Variants in SRBD1 observed in about 807,000 individuals in gnomAD.
SRBD1 encodes S1 RNA binding domain 1.
A neutral mutation model predicts 115.3 loss-of-function variants in SRBD1; 88 were observed. That is an observed-to-expected ratio of 0.76 (90% CI 0.64 to 0.91). SRBD1 has a LOEUF of 0.91. Among genes scored for constraint, SRBD1 ranks in the 40% least tolerant of loss-of-function variants. The pLI is 0.00. For missense variants in SRBD1, 1,385 were observed against 1,177.4 expected, an observed-to-expected ratio of 1.18 and a Z score of -2.58; for synonymous variants, 509 against 407.7, an observed-to-expected ratio of 1.25 and a Z score of -2.99.
intron 16 of SRBD1, among the ~76,000 whole-genome samples, chr2:45,459,053 C>T (rs1000150021): frequency 3.9e-5 from 6 of 152,106 alleles, no homozygotes; most frequent in African/African-American, 1.4e-4. Flanking sequence ...TGCATCCCAA[C>T]AAACTACAGA....
chr2:45,399,083 A>G (rs1667224994), intron 19 of SRBD1, among the ~76,000 whole-genome samples: 1 of 152,126 alleles, frequency 6.6e-6, no homozygotes, highest in Non-Finnish European at 1.5e-5. Flanking sequence ...ACCAGAAAAA[A>G]AAAAATCAAC....
At chr2:45,482,834 A>G (rs1282056251) in intron 15 of SRBD1, among the ~76,000 whole-genome samples, 1 of 152,062 alleles carries the variant, frequency 6.6e-6, no homozygotes, top group Non-Finnish European at 1.5e-5. Context: ...ATGGAGTACC[A>G]TTTGCATAGA....
At chr2:45,449,351 C>T (rs556114789) in intron 16 of SRBD1, among the ~76,000 whole-genome samples, 5 of 152,218 alleles carry the variant, frequency 3.3e-5, no homozygotes, top group East Asian at 1.9e-4. Context: ...ACCTGTTTAC[C>T]GACTGTGAGT....
intron 16 of SRBD1, among the ~76,000 whole-genome samples, chr2:45,470,183 C>T (rs927005073): frequency 6.6e-6 from 1 of 152,100 alleles, no homozygotes; most frequent in African/African-American, 2.4e-5. Flanking sequence ...ACTAAAACTC[C>T]ATTTAATAAT....
At chr2:45,396,006 T>C (rs943503631) in intron 19 of SRBD1, among the ~76,000 whole-genome samples, 40 of 152,220 alleles carry the variant, frequency 2.6e-4, no homozygotes, top group African/African-American at 8.7e-4. Context: ...CACACTGCTT[T>C]ATGAAGCTTG....
At chr2:45,606,103 T>C (rs1221804388) in intron 1 of SRBD1, among the ~76,000 whole-genome samples, 1 of 151,676 alleles carries the variant, frequency 6.6e-6, no homozygotes, top group African/African-American at 2.4e-5. Flanking sequence ...GGCAGCCCCT[T>C]ACAAAGTCCT....
Position 45,413,255 on chromosome 2 carries a change from G to A in SRBD1, c.2372C>T (p.Ala791Val). The change falls in exon 19 of 21, where the codon GCT becomes GTT. Residue 791 changes from alanine (A) to valine (V), a missense_variant. Coordinates refer to ENST00000263736, the MANE Select transcript of SRBD1 (RefSeq NM_018079.5). The stretch of plus-strand genomic sequence containing the variant: ...CTCAACGTCTGCTGAAGATGTCACA[G>A]CAACTCCTTGAATTTGGCCTGAAGT... Reference protein sequence around the residue: ...TETSGQIQGVAVTSSADVEVT... With the variant: ...TETSGQIQGVVVTSSADVEVT... 1 of 1,613,904 alleles carries A rather than the reference G, an allele frequency of 6.2e-7. No homozygotes were observed. Among genetic ancestry groups the A allele is most frequent in the South Asian group, 1.1e-5 (1 of 91,016 alleles).
intron 16 of SRBD1, among the ~76,000 whole-genome samples, chr2:45,474,979 G>A (rs1572681001): frequency 1.3e-5 from 2 of 152,110 alleles, no homozygotes; most frequent in Non-Finnish European, 2.9e-5. Context: ...TCTTGATGAC[G>A]TTCTTAGTTT....
At chr2:45,467,149 T>C (rs1041644469) in intron 16 of SRBD1, among the ~76,000 whole-genome samples, 1 of 152,204 alleles carries the variant, frequency 6.6e-6, no homozygotes, top group African/African-American at 2.4e-5. Context: ...TTCTAGCATA[T>C]TGTCAGATGA....
chr2:45,596,622 T>C (rs1354363837), intron 4 of SRBD1, among the ~76,000 whole-genome samples: 1 of 152,194 alleles, frequency 6.6e-6, no homozygotes, highest in Non-Finnish European at 1.5e-5. Context: ...GATTTTTTGA[T>C]GGTTAACCCA....
At chr2:45,518,279 A>G (rs566030695) in intron 14 of SRBD1, among the ~76,000 whole-genome samples, 64 of 152,200 alleles carry the variant, frequency 4.2e-4, no homozygotes, top group Non-Finnish European at 7.1e-4. Flanking sequence ...TGGAAACCAG[A>G]TATCTGGCTC....
At chr2:45,602,820 G>A (rs1046059864) in intron 2 of SRBD1, among the ~76,000 whole-genome samples, 1 of 152,180 alleles carries the variant, frequency 6.6e-6, no homozygotes, top group African/African-American at 2.4e-5. Flanking sequence ...TTACTGAGAT[G>A]AGTGAATAGG....
chr2:45,535,581 A>G (rs2103994817), intron 14 of SRBD1, among the ~76,000 whole-genome samples: 1 of 152,082 alleles, frequency 6.6e-6, no homozygotes, highest in South Asian at 2.1e-4. Flanking sequence ...GTGGTATCAA[A>G]ATTTTAGGTA....
chr2:45,554,761 G>T (rs1672418971), intron 10 of SRBD1, among the ~76,000 whole-genome samples: 1 of 152,056 alleles, frequency 6.6e-6, no homozygotes, highest in African/African-American at 2.4e-5. Context: ...CATTAATCAT[G>T]AGGTCAGCTC....
At chr2:45,601,791 T>G (rs186810542) in intron 3 of SRBD1, 112 bp downstream of exon 3, 5 of 1,374,310 alleles carry the variant, frequency 3.6e-6, no homozygotes, top group Non-Finnish European at 4.0e-6. Context: ...GGGATGCCAT[T>G]GCTGGCAGTT....
chr2:45,400,454 C>T (rs1667263081), intron 19 of SRBD1, among the ~76,000 whole-genome samples: 1 of 152,130 alleles, frequency 6.6e-6, no homozygotes, highest in Non-Finnish European at 1.5e-5. Context: ...TCATTGGGTA[C>T]TAATAGGTTG....
At chr2:45,585,808 C>T in intron 4 of SRBD1, 34 bp from the exon 5 acceptor site, 5 of 1,526,554 alleles carry the variant, frequency 3.3e-6, no homozygotes, top group Non-Finnish European at 4.4e-6. Flanking sequence ...ATTTAAAATG[C>T]TGAAAATTAA....
At chr2:45,466,267 C>T (rs797009483) in intron 16 of SRBD1, among the ~76,000 whole-genome samples, 1 of 152,072 alleles carries the variant, frequency 6.6e-6, no homozygotes, top group Non-Finnish European at 1.5e-5. Flanking sequence ...CATCTCTTGC[C>T]GGGCACCTAC....
At chr2:45,499,687 G>A (rs1670568668) in intron 14 of SRBD1, among the ~76,000 whole-genome samples, 1 of 152,036 alleles carries the variant, frequency 6.6e-6, no homozygotes, top group African/African-American at 2.4e-5. Context: ...GTAAAAAACG[G>A]GGATCTAGTT....
Sources: allele counts gnomAD v4.1 joint callset (sites outside exome capture counted in the v4.1 genomes callset), GRCh38; gene constraint gnomAD v4.1.1; transcripts MANE v1.5; gene names NCBI Gene and HGNC (gene_info 2026-07-23, HGNC 2026-07-21).